SLC2A1: variants seen among roughly 807,000 people sequenced by gnomAD.
SLC2A1 encodes the protein solute carrier family 2, facilitated glucose transporter member 1.
A neutral mutation model predicts 46.6 loss-of-function variants in SLC2A1; 4 were observed. That is an observed-to-expected ratio of 0.09 (90% confidence interval 0.04 to 0.20). The LOEUF (loss-of-function observed/expected upper bound fraction) is 0.20, where lower values mean the gene tolerates loss of function less well. Among genes scored for constraint, SLC2A1 ranks in the 10% least tolerant of loss-of-function variants. The pLI is 1.00. For synonymous variants in SLC2A1, 253 were observed against 270.0 expected, an observed-to-expected ratio of 0.94 and a Z score of 0.62; for missense variants, 352 against 667.0, an observed-to-expected ratio of 0.53 and a Z score of 5.20.
intron 1 of SLC2A1, among the ~76,000 whole-genome samples, chr1:42,947,496 C>A (rs1195313982): frequency 7.2e-6 from 1 of 139,810 alleles, no homozygotes; most frequent in Admixed American, 7.8e-5. Flanking sequence ...CCAAGGTGGG[C>A]GGATCATTTG....
At position 42,930,494 on chromosome 1, in the gene SLC2A1, A is replaced by G; in HGVS notation, c.516+132T>C. The G allele has an allele frequency of 1.6e-6, 2 of 1,225,214 alleles. No individual in the cohort carries two copies. Among genetic ancestry groups the G allele is most frequent in the Non-Finnish European group, 2.4e-6 (2 of 849,008 alleles). The allele number at this position is 1,225,214 out of a possible 1,614,324, so 75.9% of individuals were successfully genotyped here. ...GGTGCTGTGTTCTCTGGACCTGTGTACCATAGTTGTCCTCTGCAAGGCTGT... is the reference window on the plus strand; with the variant it reads ...GGTGCTGTGTTCTCTGGACCTGTGTGCCATAGTTGTCCTCTGCAAGGCTGT... On this transcript the variant is annotated intron_variant, in intron 4 of 9. Coordinates refer to ENST00000426263, the MANE Select transcript of SLC2A1 (RefSeq NM_006516.4). This position sits in a 1 kb window ranked among gnomAD's most constrained non-coding sequence, Gnocchi z 6.2.
chr1:42,931,647 G>A (rs1051527673), intron 2 of SLC2A1, among the ~76,000 whole-genome samples: 8 of 151,896 alleles, frequency 5.3e-5, no homozygotes, highest in African/African-American at 1.9e-4. Context: ...CCAACATGGT[G>A]AAACCCTATC....
intron 1 of SLC2A1, among the ~76,000 whole-genome samples, chr1:42,950,834 C>T (rs1557653939): frequency 6.6e-6 from 1 of 151,980 alleles, no homozygotes; most frequent in African/African-American, 2.4e-5. Context: ...ATTAGCTGGG[C>T]GTGGGGGGCG....
Position 42,930,145 on chromosome 1 carries a change from C to T in SLC2A1, c.517-110G>A. Reference sequence around the variant, plus strand: ...TCAGCTGCTGCTTCAGGGAAGGGCCCCAGTTCTAGAGGCTCTGCCACTAGC... The same window carrying T: ...TCAGCTGCTGCTTCAGGGAAGGGCCTCAGTTCTAGAGGCTCTGCCACTAGC... On this transcript the variant is annotated intron_variant, in intron 4 of 9. Transcript: ENST00000426263. The surrounding 1 kb of genome is among the most constrained non-coding windows in gnomAD (Gnocchi z 6.2). 1 of 1,266,956 alleles carries T rather than the reference C, an allele frequency of 7.9e-7. No homozygotes were observed. Among genetic ancestry groups the T allele is most frequent in the East Asian group, 2.5e-5 (1 of 40,226 alleles). The allele number at this position is 1,266,956 out of a possible 1,614,324, so 78.5% of individuals were successfully genotyped here.
chr1:42,956,600 TAAAAATAA>T (rs1201056122), intron 1 of SLC2A1, among the ~76,000 whole-genome samples: 1 of 151,430 alleles, frequency 6.6e-6, no homozygotes, highest in African/African-American at 2.4e-5. Flanking sequence ...AATAAATAAA[TAAAAATAA>T]AAAAATAAAA....
At position 42,930,184 on chromosome 1, in the gene SLC2A1, C is replaced by T; in HGVS notation, c.517-149G>A. On this transcript the variant is annotated intron_variant, in intron 4 of 9. Coordinates refer to ENST00000426263, the MANE Select transcript of SLC2A1 (RefSeq NM_006516.4). This position sits in a 1 kb window ranked among gnomAD's most constrained non-coding sequence, Gnocchi z 6.2. ...TCTGCCACTAGCATGAGCCCTGTTT[C>T]TCAGTTTCCTCATCGGTCACATGGG... The T allele has an allele frequency of 1.2e-6, 1 of 853,880 alleles. No homozygotes were observed. Among genetic ancestry groups the T allele is most frequent in the Non-Finnish European group, 1.9e-6 (1 of 527,838 alleles). 52.9% of individuals were successfully genotyped at this position (853,880 alleles called of 1,614,324 possible).
chr1:42,932,164 C>T (rs1643498308), intron 2 of SLC2A1, among the ~76,000 whole-genome samples: 1 of 152,160 alleles, frequency 6.6e-6, no homozygotes, highest in Non-Finnish European at 1.5e-5. Context: ...GGCCTCCTCC[C>T]CTCTCCCAAG....
rs749111299 is a variant in SLC2A1, at chr1:42,943,473, A to G, written c.19-152T>C. On this transcript the variant is annotated intron_variant, in intron 1 of 9. Transcript: ENST00000426263. ...TCCCAGGAAACTTGGCCAATTCCTGACCTTAGGTGCCCAAACCAGCCTAGC... is the reference window on the plus strand; with the variant it reads ...TCCCAGGAAACTTGGCCAATTCCTGGCCTTAGGTGCCCAAACCAGCCTAGC... 53 of 715,462 alleles carry G rather than the reference A, an allele frequency of 7.4e-5. No individual in the cohort carries two copies. The Middle Eastern group carries it at 1.4e-3, about 18-fold the overall frequency. 44.3% of individuals were successfully genotyped at this position (715,462 alleles called of 1,614,324 possible). A position where few individuals can be genotyped will look rare whatever the true frequency, so the allele number is the denominator to read the frequency against.
chr1:42,956,474 A>G (rs1264878656), intron 1 of SLC2A1, among the ~76,000 whole-genome samples: 1 of 151,152 alleles, frequency 6.6e-6, no homozygotes, highest in African/African-American at 2.4e-5. Flanking sequence ...AATTCCAGCT[A>G]CTCGGGAGGC....
intron 2 of SLC2A1, among the ~76,000 whole-genome samples, chr1:42,936,116 C>G (rs1368266940): frequency 6.6e-6 from 1 of 152,154 alleles, no homozygotes; most frequent in Non-Finnish European, 1.5e-5. Flanking sequence ...ATCCTTCCCT[C>G]TAGACATTCC....
At chr1:42,958,290 C>T (rs1266038376) in intron 1 of SLC2A1, among the ~76,000 whole-genome samples, 1 of 151,286 alleles carries the variant, frequency 6.6e-6, no homozygotes, top group African/African-American at 2.4e-5. Flanking sequence ...CTGCTGCTGC[C>T]GAGGTCGTGT....
chr1:42,937,486 G>A (rs937927784), intron 2 of SLC2A1, among the ~76,000 whole-genome samples: 2 of 152,214 alleles, frequency 1.3e-5, no homozygotes, highest in African/African-American at 2.4e-5. Context: ...GTGAAAGGGT[G>A]TTTAGGTGCC....
Position 42,930,285 on chromosome 1 carries a change from G to A in SLC2A1, c.517-250C>T. 3.2e-6 allele frequency: 2 copies of A among 624,776 alleles called. No individual in the cohort carries two copies. The highest frequency in any genetic ancestry group is 5.7e-6 in the Non-Finnish European group (2 of 350,094). The allele number at this position is 624,776 out of a possible 1,614,324, so 38.7% of individuals were successfully genotyped here. On this transcript the variant is annotated intron_variant, in intron 4 of 9. Transcript: ENST00000426263. This position sits in a 1 kb window ranked among gnomAD's most constrained non-coding sequence, Gnocchi z 6.2. ...ACAGATGTGTCCAGCACAGAGAATG[G>A]GGGCTGCTACTCTGCCACAAGAGGG...
chr1:42,953,632 T>C (rs1395907298), intron 1 of SLC2A1, among the ~76,000 whole-genome samples: 3 of 152,240 alleles, frequency 2.0e-5, no homozygotes, highest in Non-Finnish European at 4.4e-5. Flanking sequence ...TTCCTCTTTG[T>C]TCCAGGCCTC....
chr1:42,948,900 T>C (rs1334025805), intron 1 of SLC2A1, among the ~76,000 whole-genome samples: 8 of 151,676 alleles, frequency 5.3e-5, no homozygotes, highest in Non-Finnish European at 1.0e-4. Context: ...CCGTTTCTAC[T>C]AAAAATACAA....
chr1:42,951,195 A>T (rs1277492805), intron 1 of SLC2A1, among the ~76,000 whole-genome samples: 1 of 152,188 alleles, frequency 6.6e-6, no homozygotes, highest in Non-Finnish European at 1.5e-5. Flanking sequence ...GTAATACATC[A>T]GGTGGTGAGT....
intron 2 of SLC2A1, 120 bp downstream of exon 2, chr1:42,943,106 G>A (rs1643614411): frequency 4.0e-6 from 3 of 745,950 alleles, no homozygotes; most frequent in Admixed American, 2.0e-5. Flanking sequence ...TGGAGAGGCA[G>A]ACAGTACAGT....
rs775116408 is a variant in SLC2A1 at position 42,929,940 on chromosome 1, C to T, written c.612G>A (p.Leu204=). The T allele has an allele frequency of 2.5e-6, 4 of 1,614,160 alleles. No individual in the cohort carries two copies. The highest frequency in any genetic ancestry group is 3.4e-6 in the Non-Finnish European group (4 of 1,180,028). The change falls in exon 5 of 10, where the codon CTG becomes CTA. Residue 204 remains leucine, a synonymous_variant. Coordinates refer to ENST00000426263, the MANE Select transcript of SLC2A1 (RefSeq NM_006516.4). The surrounding 1 kb of genome is among the most constrained non-coding windows in gnomAD (Gnocchi z 6.0). ...FIPALLQCIV[L]PFCPESPRFL... ...AGCGGGGACTCTCGGGGCAGAAGGG[C>T]AGCACGATGCACTGCAGCAGGGCCG...
chr1:42,944,151 G>A (rs1418765174), intron 1 of SLC2A1, among the ~76,000 whole-genome samples: 1 of 152,162 alleles, frequency 6.6e-6, no homozygotes, highest in African/African-American at 2.4e-5. Context: ...TAAGAGTGTG[G>A]GGCTAAGGTG....
Sources: allele counts gnomAD v4.1 joint callset (sites outside exome capture counted in the v4.1 genomes callset), GRCh38; gene constraint gnomAD v4.1.1; non-coding constraint Gnocchi (gnomAD v3.1); transcripts MANE v1.5; gene names NCBI Gene and HGNC (gene_info 2026-07-23, HGNC 2026-07-21).